The following TMEM187 variants were observed in gnomAD, a reference collection of about 807,000 sequenced individuals.
The protein encoded by TMEM187 is transmembrane protein 187.
A neutral mutation model predicts 11.8 loss-of-function variants in TMEM187; 14 were observed. That is an observed-to-expected ratio of 1.18 (90% CI 0.78 to 1.85). TMEM187 has a LOEUF of 1.85. TMEM187 is among the 40% of genes most tolerant of loss of function. TMEM187 has a pLI of 0.00. For synonymous variants in TMEM187, 112 were observed against 118.5 expected (o/e 0.95, Z 0.36); for missense variants, 227 against 243.9 (o/e 0.93, Z 0.46).
At chrX:153,975,211 T>C (rs781799812) in intron 1 of TMEM187, among the ~76,000 whole-genome samples, 1 of 112,385 alleles carries the variant, frequency 8.9e-6, no homozygotes, top group African/African-American at 3.2e-5. Context: ...TATACTCCCA[T>C]TTGTCTGTTT....
In TMEM187 at chrX:153,972,804, G is replaced by C. The variant is rs1557120825; in HGVS notation, c.-270G>C. The C allele has an allele frequency of 1.8e-5, 2 of 111,933 alleles. No homozygotes were observed. The highest frequency in any genetic ancestry group is 6.4e-5 in the African/African-American group (2 of 31,063). The allele number at this position is 111,933 out of a possible 1,213,427, so 9.2% of individuals were successfully genotyped here. ...TTCGGAGATTTGAATTTCCCCCAGC[G>C]AGGCGAGTGAGGCGAAATACCCGTA... is the stretch of plus-strand genomic sequence containing the variant. On this transcript the variant is annotated 5_prime_UTR_variant, in exon 1 of 2. Transcript: ENST00000369982.
chrX:153,974,856 C>T (rs907415733), intron 1 of TMEM187, among the ~76,000 whole-genome samples: 1 of 112,497 alleles, frequency 8.9e-6, no homozygotes, highest in Non-Finnish European at 1.9e-5. Context: ...AACGGAACTC[C>T]AAGGCAAGAA....
intron 1 of TMEM187, among the ~76,000 whole-genome samples, chrX:153,974,908 C>A (rs2065571887): frequency 8.9e-6 from 1 of 112,206 alleles, no homozygotes. Context: ...GGCCCCAGGA[C>A]CTGCTTGAGA....
chrX:153,978,698 C>G (rs1200055041), intron 1 of TMEM187, among the ~76,000 whole-genome samples: 43 of 108,345 alleles, frequency 4.0e-4, no homozygotes, highest in African/African-American at 1.5e-3. Flanking sequence ...ATTCTCCTGC[C>G]TCAGCCTCCC....
chrX:153,977,536 C>T (rs1414910742), intron 1 of TMEM187, among the ~76,000 whole-genome samples: 8 of 110,340 alleles, frequency 7.3e-5, no homozygotes, highest in African/African-American at 2.3e-4. Context: ...CGCTTGAACC[C>T]GGGAGGCGGA....
At chrX:153,978,569 CT>C (rs781940360) in intron 1 of TMEM187, among the ~76,000 whole-genome samples, 680 of 38,944 alleles carry the variant, frequency 0.017, 6 homozygotes, top group African/African-American at 0.076. Flanking sequence ...CGCCTGGCCA[CT>C]TTTTTTTTTT....
rs1273993728 is a variant in TMEM187, at chrX:153,972,860, TG to T, written c.-214+1del. 2.7e-5 allele frequency: 3 copies of T among 112,665 alleles called. No homozygotes were observed. The highest frequency in any genetic ancestry group is 9.7e-5 in the African/African-American group (3 of 30,982). 9.3% of individuals were successfully genotyped at this position (112,665 alleles called of 1,213,427 possible). The stretch of plus-strand genomic sequence containing the variant: ...ATAGCTGGCCTTTTCGCGCCAATAC[TG>T]TAAGTGCTCACCGCAGCCCTGGGAG... On this transcript the variant is annotated splice_donor_variant, in intron 1 of 1. Coordinates refer to ENST00000369982, the MANE Select transcript of TMEM187 (RefSeq NM_003492.3). LOFTEE classifies it low-confidence loss of function (5UTR_SPLICE).
chrX:153,982,292 C>T lies in TMEM187; in HGVS notation c.230C>T (p.Ala77Val), dbSNP rs201763538. The T allele has an allele frequency of 1.5e-5, 18 of 1,210,557 alleles. No homozygotes were observed. The highest frequency in any genetic ancestry group is 2.3e-4 in the Middle Eastern group (1 of 4,260). ...CTGTCGTGGCTGCACAGGGGCGGCG[C>T]GATGGGGCTGGGTCCCCGCTACCTG... ...LGLSWLHRGG[A>V]MGLGPRYLKD... is the part of the protein sequence containing the mutation. Residue 77 changes from alanine (A) to valine (V), a missense_variant, in exon 2 of 2, where the codon GCG (alanine) becomes GTG (valine). Transcript: ENST00000369982.
chrX:153,976,211 A>G (rs1453067554), intron 1 of TMEM187, among the ~76,000 whole-genome samples: 1 of 112,237 alleles, frequency 8.9e-6, no homozygotes, highest in Non-Finnish European at 1.9e-5. Context: ...GTATAGATAC[A>G]TGATGGAATA....
chrX:153,980,350 C>T lies in TMEM187; in HGVS notation c.-213-1500C>T, dbSNP rs1249885523. ...CCCCAGCCTGGGCAACAGAGCAAGACCCCCGTGTCTAAATAAAAATACCCA... is the reference window on the plus strand; with the variant it reads ...CCCCAGCCTGGGCAACAGAGCAAGATCCCCGTGTCTAAATAAAAATACCCA... On this transcript the variant is annotated intron_variant, in intron 1 of 1. Transcript: ENST00000369982. Among the ~76,000 whole-genome samples the T allele has an allele frequency of 3.6e-5, 4 of 111,470 alleles. No individual in the cohort carries two copies. The East Asian group carries it at 8.6e-4, about 24-fold the overall frequency.
intron 1 of TMEM187, among the ~76,000 whole-genome samples, chrX:153,974,068 G>A (rs1557121114): frequency 8.9e-6 from 1 of 111,927 alleles, no homozygotes; most frequent in East Asian, 2.8e-4. Context: ...CAAAGGTACA[G>A]GGAAGCTAGG....
intron 1 of TMEM187, among the ~76,000 whole-genome samples, chrX:153,973,219 C>T (rs1392093880): frequency 1.8e-5 from 2 of 112,583 alleles, no homozygotes; most frequent in African/African-American, 3.2e-5. Context: ...CACACGTCAC[C>T]CTCTCACACA....
At chrX:153,978,792 GTT>G in intron 1 of TMEM187, among the ~76,000 whole-genome samples, 1 of 99,140 alleles carries the variant, frequency 1.0e-5, no homozygotes, top group Admixed American at 1.1e-4. Context: ...GTTTTGTTTT[GTT>G]TTGTTTTTCT....
In TMEM187 at chrX:153,981,936, G is replaced by GGAAATCAC. The variant is rs1226353477; in HGVS notation, c.-117_-110dup. ...GGGGCAAGGTCGCAGCATCTGCCTC[G>GGAAATCAC]GAAATCACGAAATCACGGGGCTTCT... On this transcript the variant is annotated 5_prime_UTR_variant, in exon 2 of 2. An upstream open reading frame in the 5' UTR gains an earlier in-frame stop. Coordinates refer to ENST00000369982, the MANE Select transcript of TMEM187 (RefSeq NM_003492.3). 1.8e-5 allele frequency: 21 copies of GGAAATCAC among 1,139,222 alleles called. No individual in the cohort carries two copies. Among genetic ancestry groups the GGAAATCAC allele is most frequent in the East Asian group, 3.2e-5 (1 of 31,360 alleles). The allele number at this position is 1,139,222 out of a possible 1,213,427, so 93.9% of individuals were successfully genotyped here.
chrX:153,973,093 T>G (rs1422085667), intron 1 of TMEM187, among the ~76,000 whole-genome samples: 1 of 112,294 alleles, frequency 8.9e-6, no homozygotes, highest in African/African-American at 3.2e-5. Flanking sequence ...CGTCTAGAAG[T>G]TCAGTTAAAT....
Position 153,981,955 on chromosome X carries a change from G to C in TMEM187, c.-108G>C. 8.5e-7 allele frequency: 1 copy of C among 1,170,440 alleles called. No homozygotes were observed. Among genetic ancestry groups the C allele is most frequent in the Non-Finnish European group, 1.2e-6 (1 of 867,788 alleles). On this transcript the variant is annotated 5_prime_UTR_variant, in exon 2 of 2. Transcript: ENST00000369982. ...TGCCTCGGAAATCACGAAATCACGG[G>C]GCTTCTTTCTGCTGGCTCAGCCGGG...
intron 1 of TMEM187, among the ~76,000 whole-genome samples, chrX:153,978,455 A>G (rs2065585418): frequency 9.9e-6 from 1 of 101,187 alleles, no homozygotes; most frequent in African/African-American, 3.6e-5. Flanking sequence ...TTTAGTAGAG[A>G]TGGGGTTTCA....
Position 153,978,315 on chromosome X carries a change from C to T in TMEM187, c.-213-3535C>T, listed in dbSNP as rs1268538208. Among the ~76,000 whole-genome samples, 3 of 107,004 alleles carry T rather than the reference C, an allele frequency of 2.8e-5. No homozygotes were observed. In the Admixed American group the frequency reaches 3.0e-4, roughly 11 times the overall value. 92.9% of individuals were successfully genotyped at this position (107,004 alleles called of 115,157 possible). A position where few individuals can be genotyped will look rare whatever the true frequency, so the allele number is the denominator to read the frequency against. ...ACGGAGTCTCATTCTGTCGCCCAGG[C>T]TGGAGTGCAGTGGCACGATCTTGGC... On this transcript the variant is annotated intron_variant, in intron 1 of 1. Transcript: ENST00000369982.
In TMEM187 at chrX:153,982,230, C is replaced by A. The variant is rs1557122576; in HGVS notation, c.168C>A (p.Phe56Leu). Residue 56 changes from phenylalanine (F) to leucine (L), a missense_variant, in exon 2 of 2, where the codon TTC (phenylalanine) becomes TTA (leucine). Phe to Leu is a conservative substitution (Grantham distance 22). Transcript: ENST00000369982. ...AGLPAFLAMP[F>L]NSLVNMAYTL... ...TCCCTGCCTTCCTGGCCATGCCGTT[C>A]AACTCACTCGTGAACATGGCCTACA... 1 of 1,212,331 alleles carries A rather than the reference C, an allele frequency of 8.2e-7. No homozygotes were observed. Among genetic ancestry groups the A allele is most frequent in the African/African-American group, 1.7e-5 (1 of 58,027 alleles).
Sources: allele counts gnomAD v4.1 joint callset (sites outside exome capture counted in the v4.1 genomes callset), GRCh38; gene constraint gnomAD v4.1.1; transcripts MANE v1.5; gene names NCBI Gene and HGNC (gene_info 2026-07-23, HGNC 2026-07-21).